The following NBPF10 variants were observed in gnomAD, a reference collection of about 807,000 sequenced individuals.
NBPF10 encodes the protein NBPF member 10.
In NBPF10, 63 loss-of-function variants were observed where a neutral mutation model predicts 77.9. That is an observed-to-expected ratio of 0.81 (90% CI 0.66 to 1.00). The LOEUF is 1.00. Among genes scored for constraint, NBPF10 ranks in the 50% least tolerant of loss-of-function variants. The pLI, the probability that NBPF10 is intolerant of heterozygous loss-of-function variation, is 0.00. For synonymous variants in NBPF10, 146 were observed against 264.5 expected, an observed-to-expected ratio of 0.55 and a Z score of 4.35; for missense variants, 522 against 679.8, an observed-to-expected ratio of 0.77 and a Z score of 2.58.
At chr1:146,139,354 C>A (rs1553796341) in intron 5 of NBPF10, among the ~76,000 whole-genome samples, 1 of 151,992 alleles carries the variant, frequency 6.6e-6, no homozygotes, top group Admixed American at 6.6e-5. Flanking sequence ...CATGATCCAC[C>A]CGCCTCGGCC....
chr1:146,067,026 C>G (rs1482852148), intron 89 of NBPF10, among the ~76,000 whole-genome samples, 154 bp downstream of exon 89: 16 of 142,746 alleles, frequency 1.1e-4, no homozygotes, highest in Admixed American at 7.4e-4. Flanking sequence ...AAATGGAAAC[C>G]TAAACATCTA....
At chr1:146,142,732 G>C (rs782288946) in exon 2 of NBPF10, 1 of 1,359,098 alleles carries the variant, frequency 7.4e-7, no homozygotes, top group East Asian at 2.8e-5. Flanking sequence ...AATTTTATGA[G>C]GTCTTTACAC....
Position 146,134,786 on chromosome 1 carries a change from G to C in NBPF10, c.1306+521C>G, listed in dbSNP as rs587701444. On this transcript the variant is annotated intron_variant, in intron 8 of 89. Transcript: ENST00000583866. ...CTACCACAAAACGCCCCCACATAAAGTGCCTTCTCCAACATCACACGGCAA... is the reference window on the plus strand; with the variant it reads ...CTACCACAAAACGCCCCCACATAAACTGCCTTCTCCAACATCACACGGCAA... 4.5e-5 allele frequency among the ~76,000 whole-genome samples: 6 copies of C among 132,202 alleles called. No individual in the cohort carries two copies. The South Asian group carries it at 1.3e-3, about 28-fold the overall frequency. 86.7% of individuals were successfully genotyped at this position (132,202 alleles called of 152,430 possible).
chr1:146,139,092 CTTTTTTTTTT>C (rs782186835), intron 5 of NBPF10, among the ~76,000 whole-genome samples: 2 of 82,440 alleles, frequency 2.4e-5, no homozygotes, highest in African/African-American at 4.7e-5. Flanking sequence ...CAGAGACTTA[CTTTTTTTTTT>C]TTTTTTTTTT....
chr1:146,126,327 A>C, exon 14 of NBPF10: 4 of 1,296,884 alleles, frequency 3.1e-6, no homozygotes, highest in Non-Finnish European at 4.5e-6. Flanking sequence ...GTTCAAGACA[A>C]CCTGAAGGAG....
In NBPF10 at chr1:146,126,230, A is replaced by T. The variant is rs782749153; in HGVS notation, c.2026+6T>A. The T allele has an allele frequency of 2.5e-6, 4 of 1,592,606 alleles. No homozygotes were observed. The highest frequency in any genetic ancestry group is 3.4e-6 in the Non-Finnish European group (4 of 1,162,812). Reference sequence around the variant, plus strand: ...ATCCTTATCACCTTCATAGAAAGGTACTCACCATCCATGTCAATAGCCAAG... The same window carrying T: ...ATCCTTATCACCTTCATAGAAAGGTTCTCACCATCCATGTCAATAGCCAAG... On this transcript the variant is annotated splice_donor_region_variant and intron_variant, in intron 14 of 89. Coordinates refer to ENST00000583866, the Ensembl canonical transcript of NBPF10.
chr1:146,126,278 T>C lies in NBPF10; in HGVS notation c.1984A>G (p.Ile662Val), dbSNP rs76836566. The change falls in exon 14 of 90, where the codon ATA (isoleucine) becomes GTA (valine). Residue 662 changes from isoleucine to valine, a missense_variant. Transcript: ENST00000583866. Reference sequence around the variant, plus strand: ...AAGCCAACACGCTGTTGCTCCAATATGTAAAAGGCACTTCTGTAGGGCTGG... The same window carrying C: ...AAGCCAACACGCTGTTGCTCCAATACGTAAAAGGCACTTCTGTAGGGCTGG... The C allele has an allele frequency of 8.8e-5, 141 of 1,606,830 alleles. 2 individuals are homozygous for C. The highest frequency in any genetic ancestry group is 5.4e-4 in the African/African-American group (40 of 74,572).
At position 146,142,645 on chromosome 1, in the gene NBPF10, C is replaced by A. The variant is rs1553797875; in HGVS notation, c.278+5G>T. ...CGCCTGCCTCCCCCTATGGGGTCCC[C>A]TCACCTGAGCTCCTCAGCTTGCTTC... On this transcript the variant is annotated splice_donor_5th_base_variant and intron_variant, in intron 2 of 89. Transcript: ENST00000583866. The A allele has an allele frequency of 7.5e-7, 1 of 1,331,322 alleles. No individual in the cohort carries two copies. Among genetic ancestry groups the A allele is most frequent in the Non-Finnish European group, 1.0e-6 (1 of 965,046 alleles). The allele number at this position is 1,331,322 out of a possible 1,614,324, so 82.5% of individuals were successfully genotyped here. A position where few individuals can be genotyped will look rare whatever the true frequency, so the allele number is the denominator to read the frequency against.
intron 71 of NBPF10, among the ~76,000 whole-genome samples, chr1:146,080,978 C>G (rs1233588347): frequency 3.7e-4 from 26 of 70,620 alleles, no homozygotes; most frequent in African/African-American, 7.1e-4. Context: ...CAGATAGACA[C>G]ACACACACAC....
chr1:146,125,823 C>G (rs1390347048), intron 14 of NBPF10, among the ~76,000 whole-genome samples: 2 of 149,350 alleles, frequency 1.3e-5, no homozygotes, highest in East Asian at 3.9e-4. Context: ...CAAATGGTTG[C>G]TAGGAGAAAA....
At chr1:146,134,463 AC>A (rs1320130863) in intron 8 of NBPF10, among the ~76,000 whole-genome samples, 198 bp from the exon 9 acceptor site, 1 of 107,176 alleles carries the variant, frequency 9.3e-6, no homozygotes, top group African/African-American at 4.3e-5. Context: ...CTGGAGGGCC[AC>A]CATCAAGATG....
intron 2 of NBPF10, among the ~76,000 whole-genome samples, chr1:146,142,382 C>A (rs1348950429): frequency 6.7e-5 from 9 of 133,890 alleles, no homozygotes; most frequent in South Asian, 2.6e-4. Flanking sequence ...TGGGTGGTTC[C>A]CACTCCTTTG....
In NBPF10 at chr1:146,125,539, C is replaced by A. The variant is rs782687174; in HGVS notation, c.2027-23G>T. The A allele has an allele frequency of 1.0e-4, 67 of 666,440 alleles. 1 individual carries two copies. The highest frequency in any genetic ancestry group is 8.3e-4 in the South Asian group (57 of 68,648). The allele number at this position is 666,440 out of a possible 1,614,324, so 41.3% of individuals were successfully genotyped here. On this transcript the variant is annotated intron_variant, in intron 14 of 89. Transcript: ENST00000583866. ...TTTCTGCAATAAGTTCAGACATGGACAGACATATTAAGCTCGTTCTCCTAC... is the reference window on the plus strand; with the variant it reads ...TTTCTGCAATAAGTTCAGACATGGAAAGACATATTAAGCTCGTTCTCCTAC...
At chr1:146,066,342 C>A (rs587642846) in exon 90 of NBPF10, 2 of 1,060,120 alleles carry the variant, frequency 1.9e-6, no homozygotes, top group Non-Finnish European at 2.6e-6. Context: ...TGACTCCCAT[C>A]TGGAACACCA....
rs1251658431 is a variant in NBPF10 at position 146,125,880 on chromosome 1, G to A, written c.2026+356C>T. Among the ~76,000 whole-genome samples the A allele has an allele frequency of 7.9e-5, 12 of 151,154 alleles. 1 individual carries two copies. Among genetic ancestry groups the A allele is most frequent in the Admixed American group, 6.6e-5 (1 of 15,208 alleles). ...TCATCAAATACTCAGATTGTTCATG[G>A]TAGCGAGGATTTTAGACGCTGAAAT... On this transcript the variant is annotated intron_variant, in intron 14 of 89. Transcript: ENST00000583866.
intron 13 of NBPF10, 143 bp from the exon 14 acceptor site, chr1:146,126,551 A>T: frequency 1.4e-6 from 1 of 702,126 alleles, no homozygotes; most frequent in Non-Finnish European, 2.6e-6. Flanking sequence ...TATTGCCTTT[A>T]TGTTGGGATT....
In NBPF10 at chr1:146,127,221, T is replaced by G. The variant is rs1179181215; in HGVS notation, c.1802-142A>C. The G allele has an allele frequency of 7.2e-6, 4 of 555,058 alleles. 1 individual carries two copies. The highest frequency in any genetic ancestry group is 1.2e-5 in the Non-Finnish European group (4 of 323,320). 34.4% of individuals were successfully genotyped at this position (555,058 alleles called of 1,614,324 possible). Reference sequence around the variant, plus strand: ...TTTCAGAGAAATATTCCAGTAGGCCTGAGGTCAAGTCTTGAGAAAACTGGC... The same window carrying G: ...TTTCAGAGAAATATTCCAGTAGGCCGGAGGTCAAGTCTTGAGAAAACTGGC... On this transcript the variant is annotated intron_variant, in intron 12 of 89. Coordinates refer to ENST00000583866, the Ensembl canonical transcript of NBPF10.
chr1:146,069,528 T>A lies in NBPF10; in HGVS notation c.10810+15A>T. 1.1e-6 allele frequency: 1 copy of A among 887,264 alleles called. No homozygotes were observed. The highest frequency in any genetic ancestry group is 2.6e-5 in the African/African-American group (1 of 37,942). 55.0% of individuals were successfully genotyped at this position (887,264 alleles called of 1,614,324 possible). A position where few individuals can be genotyped will look rare whatever the true frequency, so the allele number is the denominator to read the frequency against. On this transcript the variant is annotated intron_variant, in intron 86 of 89. Coordinates refer to ENST00000583866, the Ensembl canonical transcript of NBPF10. The stretch of plus-strand genomic sequence containing the variant: ...ACTCAGTGGATCCTTATCACCTTCA[T>A]AGAAAGGTACTCACCATCCATGTCA...
intron 80 of NBPF10, among the ~76,000 whole-genome samples, chr1:146,073,968 C>A (rs1288433622): frequency 1.0e-5 from 1 of 99,092 alleles, no homozygotes; most frequent in Admixed American, 1.1e-4. Context: ...TCTCCAAGAT[C>A]TACAAAATTG....
Sources: allele counts gnomAD v4.1 joint callset (sites outside exome capture counted in the v4.1 genomes callset), GRCh38; gene constraint gnomAD v4.1.1; transcripts MANE v1.5; gene names NCBI Gene and HGNC (gene_info 2026-07-23, HGNC 2026-07-21).